The following PGLYRP4 variants were observed in gnomAD, a reference collection of about 807,000 sequenced individuals.
PGLYRP4 encodes PGRP-I-beta.
PGLYRP4 carries 39 observed loss-of-function variants against 41.2 expected under a neutral mutation model. The ratio of observed to expected loss-of-function variants is 0.95; its 90% CI spans 0.73 to 1.24. The LOEUF is 1.24. Ranked by LOEUF, PGLYRP4 falls within the 50% of genes most tolerant of loss-of-function variation. The probability of loss-of-function intolerance (pLI) is 0.00; values close to 1 mark genes in which losing one functional copy is unlikely to be tolerated. For synonymous variants in PGLYRP4, 202 were observed against 186.8 expected (o/e 1.08, Z -0.66); for missense variants, 467 against 460.7 (o/e 1.01, Z -0.13).
chr1:153,340,080 A>G (rs1376082809), intron 7 of PGLYRP4, among the ~76,000 whole-genome samples: 1 of 152,218 alleles, frequency 6.6e-6, no homozygotes, highest in Non-Finnish European at 1.5e-5. Flanking sequence ...CAGGTGTCAC[A>G]ATCTTGCATG....
At chr1:153,346,639 C>T (rs933455863) in intron 2 of PGLYRP4, among the ~76,000 whole-genome samples, 2 of 152,216 alleles carry the variant, frequency 1.3e-5, no homozygotes, top group Admixed American at 6.5e-5. Flanking sequence ...GGGACGTGTG[C>T]TATGCCCATT....
intron 6 of PGLYRP4, 46 bp downstream of exon 6, chr1:153,341,581 G>A: frequency 6.4e-7 from 1 of 1,559,002 alleles, no homozygotes. Flanking sequence ...GAGTTAGTTG[G>A]GGTGAGCCCA....
At chr1:153,331,900 A>T (rs1489127873) in intron 8 of PGLYRP4, among the ~76,000 whole-genome samples, 1 of 152,240 alleles carries the variant, frequency 6.6e-6, no homozygotes, top group Non-Finnish European at 1.5e-5. Flanking sequence ...TAAAGCAATT[A>T]CTCAATCGAG....
intron 4 of PGLYRP4, among the ~76,000 whole-genome samples, chr1:153,344,510 G>T (rs1660922111): frequency 6.6e-6 from 1 of 152,218 alleles, no homozygotes; most frequent in Non-Finnish European, 1.5e-5. Context: ...GGGGCTGGGG[G>T]AAGGTCTGAA....
At chr1:153,331,346 G>A (rs1310923797) in intron 8 of PGLYRP4, among the ~76,000 whole-genome samples, 1 of 152,196 alleles carries the variant, frequency 6.6e-6, no homozygotes, top group Non-Finnish European at 1.5e-5. Context: ...GGACGGGACA[G>A]CCTCTGACAA....
At chr1:153,333,101 TAGAA>T (rs756997903) in intron 8 of PGLYRP4, among the ~76,000 whole-genome samples, 6 of 151,318 alleles carry the variant, frequency 4.0e-5, no homozygotes, top group African/African-American at 9.7e-5. Flanking sequence ...AAAAAAGAAA[TAGAA>T]AGGATCAATG....
At chr1:153,336,357 G>A (rs1365911982) in intron 8 of PGLYRP4, among the ~76,000 whole-genome samples, 12 of 108,506 alleles carry the variant, frequency 1.1e-4, no homozygotes, top group Non-Finnish European at 1.5e-4. Context: ...GTGACAGAGC[G>A]AGACTCCATC....
intron 7 of PGLYRP4, among the ~76,000 whole-genome samples, chr1:153,337,986 G>A (rs189572858): frequency 6.6e-6 from 1 of 151,988 alleles, no homozygotes; most frequent in Non-Finnish European, 1.5e-5. Flanking sequence ...TAAATGTGAG[G>A]TTCCTCAGGA....
rs143331927 is a variant in PGLYRP4, at chr1:153,331,741, A to G, written c.944-796T>C. 26 of 152,584 alleles carry G rather than the reference A, an allele frequency of 1.7e-4. 1 individual carries two copies. Among genetic ancestry groups the G allele is most frequent in the African/African-American group, 6.3e-4 (26 of 41,586 alleles). 9.5% of individuals were successfully genotyped at this position (152,584 alleles called of 1,614,324 possible). On this transcript the variant is annotated intron_variant, in intron 8 of 8. Transcript: ENST00000359650. Reference sequence around the variant, plus strand: ...ATTCCATATTTGTATGGAGAAATAAAGTGTTTCCTAAAGGAGCAAATGCTA... The same window carrying G: ...ATTCCATATTTGTATGGAGAAATAAGGTGTTTCCTAAAGGAGCAAATGCTA...
chr1:153,347,886 C>T lies in PGLYRP4; in HGVS notation c.47G>A (p.Trp16Ter). ...LVFSALGIQA[W>*]GDSSWNKTQA... ...TGGCCCAGGGAAAGAAAACTTACCC[C>T]AGGCCTGGATACCCAGAGCAGAGAA... The change falls in exon 2 of 9, where the codon TGG (tryptophan) becomes TAG (stop). Residue 16 changes from tryptophan (W) to a stop codon, truncating the protein, a stop_gained and splice_region_variant. Transcript: ENST00000359650. LOFTEE classifies it high-confidence loss of function. 1 of 1,612,516 alleles carries T rather than the reference C, an allele frequency of 6.2e-7. No homozygotes were observed. The highest frequency in any genetic ancestry group is 8.5e-7 in the Non-Finnish European group (1 of 1,178,722).
intron 4 of PGLYRP4, among the ~76,000 whole-genome samples, chr1:153,343,984 GA>G (rs1201464253): frequency 6.6e-6 from 1 of 152,102 alleles, no homozygotes; most frequent in Admixed American, 6.5e-5. Flanking sequence ...CTAAGATAAG[GA>G]AGCTAAAAGC....
intron 6 of PGLYRP4, among the ~76,000 whole-genome samples, chr1:153,341,402 G>A (rs976610619): frequency 2.0e-5 from 3 of 152,214 alleles, no homozygotes; most frequent in Non-Finnish European, 2.9e-5. Context: ...TGACACCAGG[G>A]ATAATGCTAT....
At position 153,341,615 on chromosome 1, in the gene PGLYRP4, G is replaced by A. The variant is rs1375641319; in HGVS notation, c.625+12C>T. ...CAGTGGCAGGCCCAGTAGGGCTGAA[G>A]AAAGGTCTTACCCTTCTTCAGGCTT... is the stretch of plus-strand genomic sequence containing the variant. On this transcript the variant is annotated intron_variant, in intron 6 of 8. Transcript: ENST00000359650. 1 of 1,606,938 alleles carries A rather than the reference G, an allele frequency of 6.2e-7. No individual in the cohort carries two copies. The highest frequency in any genetic ancestry group is 8.5e-7 in the Non-Finnish European group (1 of 1,177,050).
In PGLYRP4 at chr1:153,345,389, G is replaced by A. The variant is rs779334892; in HGVS notation, c.140-7C>T. On this transcript the variant is annotated splice_polypyrimidine_tract_variant and splice_region_variant and intron_variant, in intron 3 of 8. Transcript: ENST00000359650. ...GAGACATCTGTGGGAAGGCCTTGGGGACGTCACTCAGCGCACCTGCCCCAT... is the reference window on the plus strand; with the variant it reads ...GAGACATCTGTGGGAAGGCCTTGGGAACGTCACTCAGCGCACCTGCCCCAT... 34 of 1,613,374 alleles carry A rather than the reference G, an allele frequency of 2.1e-5. No individual in the cohort carries two copies. The South Asian group carries it at 3.4e-4, about 16-fold the overall frequency.
At chr1:153,339,865 A>G (rs151040633) in intron 7 of PGLYRP4, among the ~76,000 whole-genome samples, 155 of 152,294 alleles carry the variant, frequency 1.0e-3, no homozygotes, top group African/African-American at 3.5e-3. Flanking sequence ...ATCAAAAGAT[A>G]GTATTTGGTC....
intron 7 of PGLYRP4, among the ~76,000 whole-genome samples, chr1:153,340,086 G>A (rs1446449578): frequency 6.6e-6 from 1 of 152,186 alleles, no homozygotes; most frequent in Non-Finnish European, 1.5e-5. Context: ...TCACAATCTT[G>A]CATGCGTACT....
At chr1:153,332,763 A>G (rs1373337134) in intron 8 of PGLYRP4, among the ~76,000 whole-genome samples, 1 of 152,180 alleles carries the variant, frequency 6.6e-6, no homozygotes, top group Non-Finnish European at 1.5e-5. Context: ...GAAATTAAAC[A>G]ACCTGCTCCT....
chr1:153,346,933 C>G (rs1037279654), intron 2 of PGLYRP4, among the ~76,000 whole-genome samples: 2 of 152,180 alleles, frequency 1.3e-5, no homozygotes, highest in Non-Finnish European at 2.9e-5. Context: ...AGCTTAATTG[C>G]TTGTTTAAAA....
intron 3 of PGLYRP4, 44 bp downstream of exon 3, chr1:153,346,058 C>G: frequency 7.1e-7 from 1 of 1,412,802 alleles, no homozygotes; most frequent in East Asian, 2.3e-5. Flanking sequence ...CATGAAAAAC[C>G]CCAGCTCGTC....
Sources: allele counts gnomAD v4.1 joint callset (sites outside exome capture counted in the v4.1 genomes callset), GRCh38; gene constraint gnomAD v4.1.1; transcripts MANE v1.5; gene names NCBI Gene and HGNC (gene_info 2026-07-23, HGNC 2026-07-21).